PTPRD: variants seen among roughly 807,000 people sequenced by gnomAD.
PTPRD encodes receptor-type tyrosine-protein phosphatase delta.
A neutral mutation model predicts 214.5 loss-of-function variants in PTPRD; 34 were observed. That is an observed-to-expected ratio of 0.16 (90% CI 0.12 to 0.21). The LOEUF (loss-of-function observed/expected upper bound fraction) is 0.21, where lower values mean the gene tolerates loss of function less well. Among genes scored for constraint, PTPRD ranks in the 10% least tolerant of loss-of-function variants. The pLI is 1.00. For missense variants in PTPRD, 2,545 were observed against 2,398.7 expected, an observed-to-expected ratio of 1.06 and a Z score of -1.27; for synonymous variants, 1,128 against 845.7, an observed-to-expected ratio of 1.33 and a Z score of -5.79.
intron 7 of PTPRD, among the ~76,000 whole-genome samples, chr9:9,668,651 C>T (rs764185219): frequency 1.3e-5 from 2 of 152,066 alleles, no homozygotes; most frequent in African/African-American, 2.4e-5. Context: ...CATAAACTTG[C>T]CCCTGGCATT....
chr9:9,091,525 T>A (rs972965115), intron 10 of PTPRD, among the ~76,000 whole-genome samples: 1 of 152,188 alleles, frequency 6.6e-6, no homozygotes, highest in Non-Finnish European at 1.5e-5. Context: ...CAATTAGTAA[T>A]AGTCCCCATT....
intron 9 of PTPRD, among the ~76,000 whole-genome samples, chr9:9,224,603 A>C (rs911072227): frequency 2.0e-5 from 3 of 151,950 alleles, no homozygotes; most frequent in Non-Finnish European, 4.4e-5. Flanking sequence ...ATTAAGGTAA[A>C]CGTATTAATT....
intron 5 of PTPRD, among the ~76,000 whole-genome samples, chr9:9,911,297 T>C (rs751358433): frequency 1.8e-4 from 28 of 152,088 alleles, no homozygotes; most frequent in Non-Finnish European, 3.4e-4. Flanking sequence ...TATAGCTAAA[T>C]GCAAGAACTC....
chr9:8,813,825 A>G (rs2096866457), intron 11 of PTPRD, among the ~76,000 whole-genome samples: 1 of 152,234 alleles, frequency 6.6e-6, no homozygotes, highest in African/African-American at 2.4e-5. Context: ...CACAGAAAGA[A>G]TTGGCTTACT....
chr9:10,568,101 T>G (rs2131815203), intron 2 of PTPRD, among the ~76,000 whole-genome samples: 1 of 151,060 alleles, frequency 6.6e-6, no homozygotes, highest in South Asian at 2.1e-4. Flanking sequence ...TATCTCCTAA[T>G]GCTACCCCTC....
chr9:9,821,358 G>A (rs1366533797), intron 5 of PTPRD, among the ~76,000 whole-genome samples: 1 of 152,146 alleles, frequency 6.6e-6, no homozygotes, highest in African/African-American at 2.4e-5. Flanking sequence ...GGGGTATGTG[G>A]TAGGGTGGAA....
intron 9 of PTPRD, among the ~76,000 whole-genome samples, chr9:9,390,691 A>G (rs1261863967): frequency 6.6e-6 from 1 of 152,190 alleles, no homozygotes; most frequent in Non-Finnish European, 1.5e-5. Context: ...TACATGATCA[A>G]CTGAAGCAGA....
chr9:8,508,083 T>C (rs1330867897), intron 21 of PTPRD, among the ~76,000 whole-genome samples: 1 of 152,152 alleles, frequency 6.6e-6, no homozygotes, highest in African/African-American at 2.4e-5. Flanking sequence ...CTACACCTAA[T>C]ACAAACAAAA....
At chr9:10,366,433 T>TA (rs1340635352) in intron 2 of PTPRD, among the ~76,000 whole-genome samples, 1 of 152,194 alleles carries the variant, frequency 6.6e-6, no homozygotes, top group Non-Finnish European at 1.5e-5. Context: ...GGAGTTGCAC[T>TA]AGATTGTTGT....
rs190051317 is a variant in PTPRD, at chr9:9,718,367, G to A, written c.-287+16166C>T. ...CTGCAGAAGCCCATCTAGAGTGGCC[G>A]CTGTGAGGATGCCAGCTGCAGCAGG... On this transcript the variant is annotated intron_variant, in intron 7 of 45. Coordinates refer to ENST00000381196, the MANE Select transcript of PTPRD (RefSeq NM_002839.4). Among the ~76,000 whole-genome samples the A allele has an allele frequency of 5.0e-3, 767 of 152,260 alleles. 4 individuals are homozygous for A. Among genetic ancestry groups the A allele is most frequent in the African/African-American group, 0.018 (730 of 41,536 alleles).
intron 7 of PTPRD, among the ~76,000 whole-genome samples, chr9:9,586,185 CA>C: frequency 6.6e-6 from 1 of 151,970 alleles, no homozygotes; most frequent in East Asian, 1.9e-4. Flanking sequence ...TCTCATCTCT[CA>C]TATTTCTTTT....
chr9:9,642,833 T>A (rs1012963641), intron 7 of PTPRD, among the ~76,000 whole-genome samples: 1 of 152,136 alleles, frequency 6.6e-6, no homozygotes, highest in African/African-American at 2.4e-5. Flanking sequence ...TACAAGACAA[T>A]TGGGGCTCAT....
rs1231150647 is a variant in PTPRD at position 8,819,148 on chromosome 9, ATAAAT to A, written c.-103-85207_-103-85203del. ...TCAAAGGAAATCACTATCTTTGGTG[ATAAAT>A]TAAACACCAAGCACTTACTCTGTGT... On this transcript the variant is annotated intron_variant, in intron 11 of 45. Coordinates refer to ENST00000381196, the MANE Select transcript of PTPRD (RefSeq NM_002839.4). Among the ~76,000 whole-genome samples the A allele has an allele frequency of 5.3e-5, 8 of 152,336 alleles. No individual in the cohort carries two copies. The East Asian group carries it at 1.4e-3, about 26-fold the overall frequency.
intron 2 of PTPRD, among the ~76,000 whole-genome samples, chr9:10,426,775 T>C (rs887205211): frequency 2.0e-5 from 3 of 152,080 alleles, no homozygotes; most frequent in Non-Finnish European, 2.9e-5. Flanking sequence ...TTACCTTGGA[T>C]TGGCATATTG....
chr9:8,695,454 G>C (rs2097892167), intron 12 of PTPRD, among the ~76,000 whole-genome samples: 1 of 151,832 alleles, frequency 6.6e-6, no homozygotes, highest in Non-Finnish European at 1.5e-5. Flanking sequence ...ATAAAATCTG[G>C]GTCAATGTTA....
chr9:9,125,963 C>G (rs148709977), intron 10 of PTPRD, among the ~76,000 whole-genome samples: 15 of 152,188 alleles, frequency 9.9e-5, no homozygotes, highest in Non-Finnish European at 7.4e-5. Context: ...GCAGAAGGGA[C>G]AGTTGTGTTA....
intron 9 of PTPRD, among the ~76,000 whole-genome samples, chr9:9,380,737 T>A (rs10435829): frequency 0.24 from 36,353 of 151,938 alleles, 4,415 homozygotes; most frequent in Middle Eastern, 0.37. Flanking sequence ...GTACTTGCCG[T>A]TTTTCTACCT....
chr9:8,367,209 G>C lies in PTPRD; in HGVS notation c.4661+8727C>G, dbSNP rs138165980. ...GAAGTTCTCCAAATATTTAAAATAAGAGTTGCATTCAAATAAGCATTTTTT... is the reference window on the plus strand; with the variant it reads ...GAAGTTCTCCAAATATTTAAAATAACAGTTGCATTCAAATAAGCATTTTTT... On this transcript the variant is annotated intron_variant, in intron 39 of 45. Transcript: ENST00000381196. Among the ~76,000 whole-genome samples, 146 of 151,816 alleles carry C rather than the reference G, an allele frequency of 9.6e-4. 1 individual carries two copies. The highest frequency in any genetic ancestry group is 3.4e-3 in the African/African-American group (139 of 41,134).
At chr9:9,529,984 A>T (rs1392635069) in intron 8 of PTPRD, among the ~76,000 whole-genome samples, 1 of 152,118 alleles carries the variant, frequency 6.6e-6, no homozygotes, top group East Asian at 1.9e-4. Context: ...CAACATACCA[A>T]GACCTATGGG....
Sources: allele counts gnomAD v4.1 joint callset (sites outside exome capture counted in the v4.1 genomes callset), GRCh38; gene constraint gnomAD v4.1.1; transcripts MANE v1.5; gene names NCBI Gene and HGNC (gene_info 2026-07-23, HGNC 2026-07-21).